The following LONRF2 variants were observed in gnomAD, a reference collection of about 807,000 sequenced individuals.
LONRF2 encodes LON peptidase N-terminal domain and RING finger protein 2.
LONRF2 carries 35 observed loss-of-function variants against 66.6 expected under a neutral mutation model. The ratio of observed to expected loss-of-function variants is 0.53; its 90% CI spans 0.40 to 0.70. LONRF2 has a LOEUF of 0.70. LONRF2 is among the 30% of genes least tolerant of loss of function. LONRF2 has a pLI of 0.00. For missense variants in LONRF2, 902 were observed against 1,002.1 expected, an observed-to-expected ratio of 0.90 and a Z score of 1.35; for synonymous variants, 417 against 418.1, an observed-to-expected ratio of 1.00 and a Z score of 0.03.
intron 7 of LONRF2, among the ~76,000 whole-genome samples, chr2:100,296,901 CATG>C (rs1675079101): frequency 6.6e-6 from 1 of 152,136 alleles, no homozygotes; most frequent in African/African-American, 2.4e-5. Context: ...CATTTATGTG[CATG>C]ATGTGACTCC....
chr2:100,321,940 C>G lies in LONRF2; in HGVS notation c.154G>C (p.Gly52Arg). The change falls in exon 1 of 12, where the codon GGG (glycine) becomes CGG (arginine). Residue 52 changes from glycine (G) to arginine (R), a missense_variant. Physicochemically the swap from Gly to Arg is moderately radical, Grantham distance 125 (BLOSUM62 -2). Coordinates refer to ENST00000393437, the MANE Select transcript of LONRF2 (RefSeq NM_198461.4). ...AGGCCGCGGTCCGGCTGCGCCAGCC[C>G]GGCTAGCATGGAGCGAAAGAGCTCG... ...AAELFRSMLA[G>R]LAQPDRGLCL... 7.0e-7 allele frequency: 1 copy of G among 1,420,234 alleles called. No individual in the cohort carries two copies. Among genetic ancestry groups the G allele is most frequent in the Non-Finnish European group, 9.2e-7 (1 of 1,084,974 alleles). 88.0% of individuals were successfully genotyped at this position (1,420,234 alleles called of 1,614,324 possible). A position where few individuals can be genotyped will look rare whatever the true frequency, so the allele number is the denominator to read the frequency against.
intron 1 of LONRF2, among the ~76,000 whole-genome samples, chr2:100,321,041 T>G (rs1675611108): frequency 6.6e-6 from 1 of 152,188 alleles, no homozygotes; most frequent in Non-Finnish European, 1.5e-5. Flanking sequence ...CACCCCTTTC[T>G]GCGCCTGTAG....
At chr2:100,295,131 T>A (rs939241384) in intron 8 of LONRF2, among the ~76,000 whole-genome samples, 1 of 152,138 alleles carries the variant, frequency 6.6e-6, no homozygotes, top group African/African-American at 2.4e-5. Flanking sequence ...ATTACAGGCA[T>A]GAGCCACTGT....
In LONRF2 at chr2:100,282,480, C is replaced by A. The variant is rs1674759354; in HGVS notation, c.*1818G>T. 6.6e-6 allele frequency: 1 copy of A among 152,208 alleles called. No homozygotes were observed. Among genetic ancestry groups the A allele is most frequent in the Non-Finnish European group, 1.5e-5 (1 of 68,032 alleles). 9.4% of individuals were successfully genotyped at this position (152,208 alleles called of 1,614,324 possible). A position where few individuals can be genotyped will look rare whatever the true frequency, so the allele number is the denominator to read the frequency against. On this transcript the variant is annotated 3_prime_UTR_variant, in exon 12 of 12. Coordinates refer to ENST00000393437, the MANE Select transcript of LONRF2 (RefSeq NM_198461.4). Reference sequence around the variant, plus strand: ...AATGCATACTGATTTTCATGAACCACTTCTGGTAAAGGTCTTCTGGCATGT... The same window carrying A: ...AATGCATACTGATTTTCATGAACCAATTCTGGTAAAGGTCTTCTGGCATGT...
Position 100,283,887 on chromosome 2 carries a change from G to C in LONRF2, c.*411C>G, listed in dbSNP as rs1317537867. ...AAATCCACTTCCAGATAAAAACGTG[G>C]TTCCCCCATATTGTCTACACACTAA... On this transcript the variant is annotated 3_prime_UTR_variant, in exon 12 of 12. Transcript: ENST00000393437. 6.5e-6 allele frequency: 1 copy of C among 154,830 alleles called. No homozygotes were observed. The highest frequency in any genetic ancestry group is 1.4e-5 in the Non-Finnish European group (1 of 69,982). 9.6% of individuals were successfully genotyped at this position (154,830 alleles called of 1,614,324 possible).
intron 1 of LONRF2, among the ~76,000 whole-genome samples, chr2:100,318,654 C>T (rs908302326): frequency 4.0e-5 from 6 of 150,218 alleles, no homozygotes; most frequent in African/African-American, 7.4e-5. Flanking sequence ...TAGTGAAACA[C>T]GTCTCTACTA....
At chr2:100,316,709 C>G (rs1468936136) in intron 1 of LONRF2, among the ~76,000 whole-genome samples, 1 of 152,148 alleles carries the variant, frequency 6.6e-6, no homozygotes, top group African/African-American at 2.4e-5. Context: ...TTAATTAAAT[C>G]TAAGTGCTGA....
Position 100,295,465 on chromosome 2 carries a change from C to A in LONRF2, c.1565G>T (p.Arg522Ile). 1.2e-6 allele frequency: 2 copies of A among 1,613,786 alleles called. No homozygotes were observed. The highest frequency in any genetic ancestry group is 1.7e-6 in the Non-Finnish European group (2 of 1,179,844). Residue 522 changes from arginine (R) to isoleucine (I), a missense_variant, in exon 8 of 12, where the codon AGA becomes ATA. By Grantham distance (97) the Arg-to-Ile change is moderately conservative (BLOSUM62 -3). Coordinates refer to ENST00000393437, the MANE Select transcript of LONRF2 (RefSeq NM_198461.4). ...YLPDELSDRKRIYDEEMSELS... is the reference protein window; with the variant it reads ...YLPDELSDRKIIYDEEMSELS... The stretch of plus-strand genomic sequence containing the variant: ...TTCTGACATTTCTTCATCATAAATT[C>A]TCTTCCTATCAGACAATTCATCCGG...
chr2:100,300,026 G>GT lies in LONRF2; in HGVS notation c.1066-109_1066-108insA, dbSNP rs386390737. 3 of 488,790 alleles carry GT rather than the reference G, an allele frequency of 6.1e-6. No individual in the cohort carries two copies. In the Admixed American group the frequency reaches 1.0e-4, roughly 17 times the overall value. The allele number at this position is 488,790 out of a possible 1,614,324, so 30.3% of individuals were successfully genotyped here. A position where few individuals can be genotyped will look rare whatever the true frequency, so the allele number is the denominator to read the frequency against. On this transcript the variant is annotated intron_variant, in intron 4 of 11. Transcript: ENST00000393437. ...AAATCTTTGGAAAAAAAAAGGGGGG[G>GT]GCATACACTCTTCTTCATAATTGGT...
chr2:100,292,627 G>C (rs1425529614), intron 9 of LONRF2, among the ~76,000 whole-genome samples: 1 of 152,014 alleles, frequency 6.6e-6, no homozygotes, highest in African/African-American at 2.4e-5. Flanking sequence ...AGTGCACGTG[G>C]AACTCTTATA....
At chr2:100,317,592 C>G (rs917354369) in intron 1 of LONRF2, among the ~76,000 whole-genome samples, 1 of 152,160 alleles carries the variant, frequency 6.6e-6, no homozygotes, top group Non-Finnish European at 1.5e-5. Context: ...CATATGGATA[C>G]GTTTCCTTTA....
In LONRF2 at chr2:100,273,402, A is replaced by G. The variant is rs1282131909; in HGVS notation, c.*10896T>C. The G allele has an allele frequency of 6.6e-6, 1 of 152,262 alleles. No homozygotes were observed. Among genetic ancestry groups the G allele is most frequent in the Non-Finnish European group, 1.5e-5 (1 of 68,052 alleles). The allele number at this position is 152,262 out of a possible 1,614,324, so 9.4% of individuals were successfully genotyped here. On this transcript the variant is annotated 3_prime_UTR_variant, in exon 12 of 12. Transcript: ENST00000393437. ...AGGCACTGATTTGATCTAATTTCTCATCAGTCTAGCCTATTACTTAGGTGT... is the reference window on the plus strand; with the variant it reads ...AGGCACTGATTTGATCTAATTTCTCGTCAGTCTAGCCTATTACTTAGGTGT...
Position 100,275,951 on chromosome 2 carries a change from T to C in LONRF2, c.*8347A>G, listed in dbSNP as rs930726661. The C allele has an allele frequency of 6.6e-6, 1 of 152,236 alleles. No individual in the cohort carries two copies. The highest frequency in any genetic ancestry group is 2.4e-5 in the African/African-American group (1 of 41,458). 9.4% of individuals were successfully genotyped at this position (152,236 alleles called of 1,614,324 possible). A position where few individuals can be genotyped will look rare whatever the true frequency, so the allele number is the denominator to read the frequency against. On this transcript the variant is annotated 3_prime_UTR_variant, in exon 12 of 12. Coordinates refer to ENST00000393437, the MANE Select transcript of LONRF2 (RefSeq NM_198461.4). The stretch of plus-strand genomic sequence containing the variant: ...ATACACATACACACATATATACACA[T>C]GCAGATAGGCTATTTTAACGCAAAT...
At chr2:100,316,318 CAAAAA>C (rs57110532) in intron 1 of LONRF2, among the ~76,000 whole-genome samples, 1 of 100,962 alleles carries the variant, frequency 9.9e-6, no homozygotes, top group Non-Finnish European at 1.9e-5. Flanking sequence ...GACTCCATCT[CAAAAA>C]AAAAAAAAAA....
intron 10 of LONRF2, 149 bp from the exon 11 acceptor site, chr2:100,287,212 T>G (rs1674865194): frequency 1.4e-6 from 1 of 701,368 alleles, no homozygotes; most frequent in African/African-American, 1.8e-5. Flanking sequence ...ATGCTCAATA[T>G]AGAAATCTGC....
intron 1 of LONRF2, among the ~76,000 whole-genome samples, chr2:100,317,322 C>CCCA (rs1364092301): frequency 3.9e-5 from 6 of 151,918 alleles, no homozygotes; most frequent in Non-Finnish European, 5.9e-5. Context: ...TTGGTGGTTA[C>CCCA]CCAAGACAAC....
At position 100,322,329 on chromosome 2, in the gene LONRF2, G is replaced by A. The variant is rs1675658140; in HGVS notation, c.-236C>T. On this transcript the variant is annotated 5_prime_UTR_variant, in exon 1 of 12. Coordinates refer to ENST00000393437, the MANE Select transcript of LONRF2 (RefSeq NM_198461.4). ...CCCGCAGGGCTGCAATCGTTCCGGG[G>A]TGGGGGCCGGGACAGGCACCGCGGG... 4 of 332,002 alleles carry A rather than the reference G, an allele frequency of 1.2e-5. No individual in the cohort carries two copies. In the East Asian group the frequency reaches 2.0e-4, roughly 17 times the overall value. 20.6% of individuals were successfully genotyped at this position (332,002 alleles called of 1,614,324 possible).
At chr2:100,316,620 G>A (rs13404545) in intron 1 of LONRF2, among the ~76,000 whole-genome samples, 3,953 of 151,678 alleles carry the variant, frequency 0.026, 168 homozygotes, top group African/African-American at 0.092. Flanking sequence ...ACAACCACAG[G>A]CCAACTCCAA....
At chr2:100,320,269 C>A (rs1219169163) in intron 1 of LONRF2, among the ~76,000 whole-genome samples, 3 of 152,150 alleles carry the variant, frequency 2.0e-5, no homozygotes, top group Non-Finnish European at 4.4e-5. Flanking sequence ...TGCTCTAACA[C>A]CATCAATACC....
Sources: gnomAD v4.1 joint callset for allele counts (sites outside exome capture counted in the v4.1 genomes callset) on GRCh38, gnomAD v4.1.1 for gene constraint, MANE v1.5 for transcripts, NCBI Gene and HGNC (gene_info 2026-07-23, HGNC 2026-07-21) for gene names.